The following KSR2 variants were observed in gnomAD, a reference collection of about 807,000 sequenced individuals.
The protein encoded by KSR2 is kinase suppressor of ras 2.
A neutral mutation model predicts 107.8 loss-of-function variants in KSR2; 25 were observed. That is an observed-to-expected ratio of 0.23 (90% CI 0.17 to 0.32). KSR2 has a LOEUF of 0.32. KSR2 is among the 10% of genes least tolerant of loss of function. The pLI is 1.00. For synonymous variants in KSR2, 480 were observed against 507.0 expected, an observed-to-expected ratio of 0.95 and a Z score of 0.71; for missense variants, 887 against 1,268.9, an observed-to-expected ratio of 0.70 and a Z score of 4.57.
intron 3 of KSR2, among the ~76,000 whole-genome samples, chr12:117,825,411 G>A (rs1891706764): frequency 6.6e-6 from 1 of 152,150 alleles, no homozygotes; most frequent in African/African-American, 2.4e-5. Flanking sequence ...GGGCATAAAT[G>A]TAGTGGTTCC....
At chr12:117,602,769 A>G (rs1384239301) in intron 5 of KSR2, among the ~76,000 whole-genome samples, 4 of 152,184 alleles carry the variant, frequency 2.6e-5, no homozygotes. Flanking sequence ...CATTCTGAAG[A>G]CTAGAAATGA....
chr12:117,850,895 G>A (rs1046190488), intron 3 of KSR2, among the ~76,000 whole-genome samples: 1 of 152,010 alleles, frequency 6.6e-6, no homozygotes, highest in Non-Finnish European at 1.5e-5. Context: ...GCAGAAACAA[G>A]TATGATCCCT....
At chr12:117,948,424 A>G (rs903469951) in intron 1 of KSR2, among the ~76,000 whole-genome samples, 1 of 151,550 alleles carries the variant, frequency 6.6e-6, no homozygotes, top group Admixed American at 6.6e-5. Flanking sequence ...CAGAAGGCAG[A>G]GGTTGCAGTG....
chr12:117,568,775 A>G (rs1161394402), intron 7 of KSR2, among the ~76,000 whole-genome samples: 1 of 152,194 alleles, frequency 6.6e-6, no homozygotes, highest in African/African-American at 2.4e-5. Flanking sequence ...CCCCAGTAGA[A>G]TTATAAGCAT....
intron 1 of KSR2, among the ~76,000 whole-genome samples, chr12:117,889,938 C>A (rs934858028): frequency 6.6e-6 from 1 of 152,182 alleles, no homozygotes; most frequent in African/African-American, 2.4e-5. Context: ...GGTTGAAACA[C>A]CCTCTCCTAC....
At position 117,456,388 on chromosome 12, in the gene KSR2, T is replaced by C. The variant is rs1164207359; in HGVS notation, c.*10811A>G. 1 of 152,202 alleles carries C rather than the reference T, an allele frequency of 6.6e-6. No individual in the cohort carries two copies. Among genetic ancestry groups the C allele is most frequent in the Non-Finnish European group, 1.5e-5 (1 of 68,040 alleles). The allele number at this position is 152,202 out of a possible 1,614,324, so 9.4% of individuals were successfully genotyped here. The stretch of plus-strand genomic sequence containing the variant: ...TGCCCATGCTGTAGCTACATAGCAG[T>C]TACTTGAACTTACACAAGTTCATAT... On this transcript the variant is annotated 3_prime_UTR_variant, in exon 20 of 20. Transcript: ENST00000339824.
intron 5 of KSR2, among the ~76,000 whole-genome samples, chr12:117,641,359 A>G (rs10850874): frequency 0.35 from 52,572 of 151,946 alleles, 9,796 homozygotes; most frequent in African/African-American, 0.49. Context: ...TCTGCCTCCC[A>G]AGGTTAGAAG....
chr12:117,857,273 T>G (rs1447420213), intron 2 of KSR2, among the ~76,000 whole-genome samples: 1 of 152,120 alleles, frequency 6.6e-6, no homozygotes, highest in African/African-American at 2.4e-5. Context: ...TTGCCCAGGC[T>G]GGTCTCGAAT....
intron 3 of KSR2, among the ~76,000 whole-genome samples, chr12:117,812,972 A>G (rs932365738): frequency 1.3e-5 from 2 of 152,092 alleles, no homozygotes; most frequent in African/African-American, 4.8e-5. Context: ...ATACAAACAG[A>G]CATCAGACAC....
chr12:117,752,443 C>A (rs1465835444), intron 4 of KSR2, among the ~76,000 whole-genome samples: 6 of 152,162 alleles, frequency 3.9e-5, no homozygotes, highest in African/African-American at 1.4e-4. Flanking sequence ...AGGCAAGTCA[C>A]ATTAATAAAA....
intron 14 of KSR2, among the ~76,000 whole-genome samples, chr12:117,517,176 G>A (rs1874427790): frequency 6.6e-6 from 1 of 152,106 alleles, no homozygotes; most frequent in Non-Finnish European, 1.5e-5. Flanking sequence ...CTTGCATCTT[G>A]GACTATTACA....
chr12:117,883,868 T>G (rs1334347403), intron 1 of KSR2, among the ~76,000 whole-genome samples: 3 of 94,888 alleles, frequency 3.2e-5, no homozygotes, highest in African/African-American at 1.3e-4. Flanking sequence ...AGAGCAAGTC[T>G]CCATCTCAAA....
chr12:117,818,991 T>C (rs1202416864), intron 3 of KSR2, among the ~76,000 whole-genome samples: 2 of 152,114 alleles, frequency 1.3e-5, no homozygotes, highest in Non-Finnish European at 2.9e-5. Context: ...CACAAGTTTT[T>C]ATAGCTCTTA....
chr12:117,747,583 C>T (rs866527217), intron 4 of KSR2, among the ~76,000 whole-genome samples: 19 of 146,716 alleles, frequency 1.3e-4, no homozygotes, highest in Middle Eastern at 3.5e-3. Flanking sequence ...ACATGTATCC[C>T]GGAACTTAAA....
intron 4 of KSR2, among the ~76,000 whole-genome samples, chr12:117,694,014 G>T (rs1333450185): frequency 3.3e-5 from 5 of 152,174 alleles, no homozygotes; most frequent in Admixed American, 2.0e-4. Flanking sequence ...TTTGTTTTAG[G>T]TGATAAGTGA....
chr12:117,929,291 C>A (rs908798838), intron 1 of KSR2, among the ~76,000 whole-genome samples: 3 of 152,188 alleles, frequency 2.0e-5, no homozygotes, highest in Non-Finnish European at 4.4e-5. Flanking sequence ...AGGGTCCCAA[C>A]TGGGAGATAA....
At chr12:117,884,976 G>C (rs1052476777) in intron 1 of KSR2, among the ~76,000 whole-genome samples, 2 of 152,138 alleles carry the variant, frequency 1.3e-5, no homozygotes, top group Non-Finnish European at 2.9e-5. Context: ...CCACCGACAC[G>C]CAGCAGGTAA....
At chr12:117,576,452 C>T in intron 7 of KSR2, among the ~76,000 whole-genome samples, 1 of 152,226 alleles carries the variant, frequency 6.6e-6, no homozygotes, top group African/African-American at 2.4e-5. Context: ...GGAAGGTGGC[C>T]TTGAAGTACT....
intron 9 of KSR2, among the ~76,000 whole-genome samples, chr12:117,547,299 C>T (rs1468385055): frequency 6.6e-6 from 1 of 152,162 alleles, no homozygotes; most frequent in Non-Finnish European, 1.5e-5. Flanking sequence ...CCCCATAGAC[C>T]TTTGCTGATA....
Sources: allele counts gnomAD v4.1 joint callset (sites outside exome capture counted in the v4.1 genomes callset), GRCh38; gene constraint gnomAD v4.1.1; transcripts MANE v1.5; gene names NCBI Gene and HGNC (gene_info 2026-07-23, HGNC 2026-07-21).